The following PFKP variants were observed in gnomAD, a reference collection of about 807,000 sequenced individuals.
PFKP encodes ATP-dependent 6-phosphofructokinase, platelet type.
Under a neutral mutation model 94.3 loss-of-function variants are expected in PFKP, and 101 were observed. That is an observed-to-expected ratio of 1.07 (90% CI 0.91 to 1.26). The LOEUF (loss-of-function observed/expected upper bound fraction) is 1.26, where lower values mean the gene tolerates loss of function less well. Among genes scored for constraint, PFKP ranks in the 50% most tolerant of loss-of-function variants. The pLI, the probability that PFKP is intolerant of heterozygous loss-of-function variation, is 0.00. For synonymous variants in PFKP, 573 were observed against 432.6 expected (o/e 1.32, Z -4.03); for missense variants, 1,145 against 1,103.3 (o/e 1.04, Z -0.53).
At chr10:3,110,149 G>A (rs772348743) in intron 10 of PFKP, among the ~76,000 whole-genome samples, 1 of 152,132 alleles carries the variant, frequency 6.6e-6, no homozygotes, top group African/African-American at 2.4e-5. Context: ...TCAGGCATTG[G>A]TTCAGTAGTG....
At position 3,094,216 on chromosome 10, in the gene PFKP, G is replaced by A. The variant is rs187218755; in HGVS notation, c.187-5059G>A. Among the ~76,000 whole-genome samples, 493 of 152,282 alleles carry A rather than the reference G, an allele frequency of 3.2e-3. 4 individuals carry two copies. The highest frequency in any genetic ancestry group is 0.011 in the African/African-American group (444 of 41,560). ...GACCCTCTCTCTACAGGGGAGGAAG[G>A]GCGACCGGCCTCGCTCCTGCTGGGG... is the stretch of plus-strand genomic sequence containing the variant. On this transcript the variant is annotated intron_variant, in intron 2 of 21. Transcript: ENST00000381125.
intron 1 of PFKP, among the ~76,000 whole-genome samples, chr10:3,068,089 G>A (rs1831870884): frequency 6.6e-6 from 1 of 152,152 alleles, no homozygotes; most frequent in South Asian, 2.1e-4. Flanking sequence ...AGCGCCCTCG[G>A]GGGTCGTTCT....
At chr10:3,131,228 A>G (rs576548224) in intron 17 of PFKP, among the ~76,000 whole-genome samples, 1 of 152,280 alleles carries the variant, frequency 6.6e-6, no homozygotes, top group South Asian at 2.1e-4. Flanking sequence ...CCAGACATTC[A>G]GGTTTGTAGC....
chr10:3,135,726 T>A lies in PFKP; in HGVS notation c.2123-10T>A, dbSNP rs559695628. 6.4e-7 allele frequency: 1 copy of A among 1,567,634 alleles called. No homozygotes were observed. The highest frequency in any genetic ancestry group is 1.7e-5 in the Admixed American group (1 of 59,114). ...AGGGTGTTATTAATCTTTTTTAAAA[T>A]CTTTTATAGGAAAAAAATTTACCAC... is the stretch of plus-strand genomic sequence containing the variant. On this transcript the variant is annotated splice_polypyrimidine_tract_variant and intron_variant, in intron 20 of 21. Transcript: ENST00000381125.
rs745660262 is a variant in PFKP, at chr10:3,113,563, G to A, written c.1371+45G>A. ...GTAGGCAGGCAGACACCCTGGCTGT[G>A]AGCACAGTGGACGTGGCGGCGGGGG... On this transcript the variant is annotated intron_variant, in intron 13 of 21. Coordinates refer to ENST00000381125, the MANE Select transcript of PFKP (RefSeq NM_002627.5). The A allele has an allele frequency of 5.1e-6, 8 of 1,579,878 alleles. No homozygotes were observed. In the Admixed American group the frequency reaches 1.4e-4, roughly 28 times the overall value.
intron 1 of PFKP, among the ~76,000 whole-genome samples, chr10:3,076,346 C>T (rs572677392): frequency 8.5e-5 from 13 of 152,264 alleles, no homozygotes; most frequent in South Asian, 4.2e-4. Flanking sequence ...GTCCCAGCCA[C>T]GCAGAGGACC....
intron 4 of PFKP, among the ~76,000 whole-genome samples, chr10:3,103,370 A>AG (rs1448004530): frequency 2.6e-5 from 4 of 152,208 alleles, no homozygotes; most frequent in Non-Finnish European, 1.5e-5. Context: ...AGAATCGGCC[A>AG]GGGCAGTGGC....
intron 1 of PFKP, among the ~76,000 whole-genome samples, chr10:3,079,368 G>A (rs1305746309): frequency 6.6e-6 from 1 of 151,696 alleles, no homozygotes. Flanking sequence ...CCGAGTAGCT[G>A]GGACTACAGG....
chr10:3,121,589 T>A (rs200390862), intron 16 of PFKP, among the ~76,000 whole-genome samples: 3,561 of 151,284 alleles, frequency 0.024, 132 homozygotes, highest in African/African-American at 0.078. Context: ...CTGTTTTTTT[T>A]TTTTTTTTTT....
At chr10:3,100,072 TGTGTGTGTGTGTGA>T (rs1427771366) in intron 3 of PFKP, among the ~76,000 whole-genome samples, 3 of 132,124 alleles carry the variant, frequency 2.3e-5, no homozygotes, top group Admixed American at 1.4e-4. Context: ...TGTGTGTGTG[TGTGTGTGTGTGTGA>T]AAGAGAGTGA....
intron 1 of PFKP, among the ~76,000 whole-genome samples, chr10:3,081,498 G>T (rs1421524651): frequency 6.6e-6 from 1 of 152,266 alleles, no homozygotes; most frequent in African/African-American, 2.4e-5. Flanking sequence ...CAAAGGCACT[G>T]AAGGCTCAGG....
At chr10:3,082,930 C>G (rs1296210797) in intron 2 of PFKP, among the ~76,000 whole-genome samples, 1 of 152,136 alleles carries the variant, frequency 6.6e-6, no homozygotes, top group Non-Finnish European at 1.5e-5. Flanking sequence ...CCAGGCTGGT[C>G]TGAGTCCTGT....
chr10:3,112,078 T>C, intron 10 of PFKP, 144 bp from the exon 11 acceptor site: 4 of 694,758 alleles, frequency 5.8e-6, no homozygotes, highest in Non-Finnish European at 7.9e-6. Context: ...GCCGGTCGTC[T>C]AGACCATTAA....
intron 8 of PFKP, chr10:3,107,809 G>A (rs1027550614): frequency 7.1e-5 from 86 of 1,217,590 alleles, no homozygotes; most frequent in Non-Finnish European, 8.9e-5. Context: ...GCTTTGGCAG[G>A]CTTCGTGCCC....
intron 17 of PFKP, among the ~76,000 whole-genome samples, chr10:3,131,346 A>G (rs1838564981): frequency 6.6e-6 from 1 of 151,604 alleles, no homozygotes. Context: ...CTCAAGGAAC[A>G]TATCCCCCTG....
chr10:3,119,784 TGTG>T, intron 15 of PFKP, 105 bp from the exon 16 acceptor site: 6 of 771,368 alleles, frequency 7.8e-6, no homozygotes, highest in Non-Finnish European at 1.0e-5. Flanking sequence ...GATGCCCCAG[TGTG>T]CTCCCTGCGT....
intron 14 of PFKP, among the ~76,000 whole-genome samples, chr10:3,118,325 G>A (rs766537142): frequency 1.4e-4 from 22 of 151,930 alleles, no homozygotes; most frequent in Non-Finnish European, 2.1e-4. Context: ...AAAATTAGCC[G>A]GGCGTGGTGG....
chr10:3,121,824 TTTTTTTC>T (rs1420113144), intron 16 of PFKP, among the ~76,000 whole-genome samples: 41,714 of 95,840 alleles, frequency 0.44, 8,612 homozygotes, highest in South Asian at 0.54. Context: ...TTTTTTTTTT[TTTTTTTC>T]TTTTTTTGGA....
intron 17 of PFKP, among the ~76,000 whole-genome samples, chr10:3,131,055 G>A (rs1838516314): frequency 7.1e-6 from 1 of 140,042 alleles, no homozygotes; most frequent in African/African-American, 2.6e-5. Flanking sequence ...GCCCCAAACA[G>A]GTGCAGTTTT....
Sources: allele counts gnomAD v4.1 joint callset (sites outside exome capture counted in the v4.1 genomes callset), GRCh38; gene constraint gnomAD v4.1.1; transcripts MANE v1.5; gene names NCBI Gene and HGNC (gene_info 2026-07-23, HGNC 2026-07-21).